SCUBE2: variants seen among roughly 807,000 people sequenced by gnomAD.
SCUBE2 encodes the protein signal peptide, CUB and EGF-like domain-containing protein 2.
SCUBE2 carries 114 observed loss-of-function variants against 125.9 expected under a neutral mutation model. The observed-to-expected ratio is 0.91, with a 90% confidence interval of 0.78 to 1.06. SCUBE2 has a LOEUF of 1.06. Among genes scored for constraint, SCUBE2 ranks in the 50% least tolerant of loss-of-function variants. SCUBE2 has a pLI of 0.00. For synonymous variants in SCUBE2, 459 were observed against 492.9 expected (o/e 0.93, Z 0.91); for missense variants, 1,255 against 1,301.8 (o/e 0.96, Z 0.55).
rs1333738435 is a variant in SCUBE2, at chr11:9,030,894, A to G, written c.2205T>C (p.Asp735=). 4 of 1,613,942 alleles carry G rather than the reference A, an allele frequency of 2.5e-6. No individual in the cohort carries two copies. In the East Asian group the frequency reaches 8.9e-5, roughly 36 times the overall value. The part of the protein sequence containing the change: ...GLCQPGEYSA[D]GFAPCQLCAL... ...CACAGAGCTGGCAAGGTGCAAAGCC[A>G]TCTGCAGAATATTCACCAGGTTGAC... Residue 735 remains aspartate, a synonymous_variant, in exon 18 of 23, where the codon GAT becomes GAC. Coordinates refer to ENST00000649792, the MANE Select transcript of SCUBE2 (RefSeq NM_001367977.2).
chr11:9,061,571 G>GAAAAAAAAAAAA (rs11301303), intron 7 of SCUBE2, among the ~76,000 whole-genome samples: 7 of 101,112 alleles, frequency 6.9e-5, no homozygotes, highest in Admixed American at 1.1e-4. Flanking sequence ...GAAAAGAAAA[G>GAAAAAAAAAAAA]AAAAAAAAAA....
At chr11:9,034,926 C>A (rs539841850) in intron 16 of SCUBE2, among the ~76,000 whole-genome samples, 1 of 152,044 alleles carries the variant, frequency 6.6e-6, no homozygotes, top group Non-Finnish European at 1.5e-5. Flanking sequence ...GCTCTGCAAA[C>A]GCGGAGGTTG....
intron 16 of SCUBE2, among the ~76,000 whole-genome samples, chr11:9,035,949 C>G (rs918520904): frequency 6.6e-6 from 1 of 152,132 alleles, no homozygotes; most frequent in African/African-American, 2.4e-5. Flanking sequence ...AGTGCAATGG[C>G]GCGATCTCAG....
intron 19 of SCUBE2, among the ~76,000 whole-genome samples, chr11:9,028,049 TA>T (rs996998229): frequency 3.3e-5 from 5 of 152,156 alleles, no homozygotes; most frequent in African/African-American, 1.2e-4. Context: ...ATTCATCTTT[TA>T]AAAAAATTAT....
intron 19 of SCUBE2, among the ~76,000 whole-genome samples, chr11:9,029,626 C>G (rs892996486): frequency 6.6e-6 from 1 of 152,212 alleles, no homozygotes; most frequent in African/African-American, 2.4e-5. Flanking sequence ...TAAAATTATG[C>G]CCCAGGGAGG....
At chr11:9,075,852 G>T (rs1861173403) in intron 3 of SCUBE2, among the ~76,000 whole-genome samples, 1 of 152,224 alleles carries the variant, frequency 6.6e-6, no homozygotes, top group Admixed American at 6.5e-5. Context: ...AGGGCTGGGA[G>T]CCTTGTGGGC....
intron 16 of SCUBE2, among the ~76,000 whole-genome samples, chr11:9,040,251 G>T (rs1187426613): frequency 6.7e-6 from 1 of 150,122 alleles, no homozygotes; most frequent in Non-Finnish European, 1.5e-5. Context: ...TATAAATTAG[G>T]CACAGCAAGA....
chr11:9,052,911 C>T, intron 12 of SCUBE2, 79 bp from the exon 13 acceptor site: 1 of 1,196,022 alleles, frequency 8.4e-7, no homozygotes, highest in Non-Finnish European at 1.2e-6. Flanking sequence ...TGTCCCCCCA[C>T]CCCACTCCAC....
chr11:9,067,435 T>TG (rs1360569448), intron 5 of SCUBE2, among the ~76,000 whole-genome samples: 1 of 152,254 alleles, frequency 6.6e-6, no homozygotes, highest in Non-Finnish European at 1.5e-5. Flanking sequence ...TGGTTACCTC[T>TG]GGCAAGGGAA....
Position 9,020,650 on chromosome 11 carries a change from A to G in SCUBE2, c.*395T>C, listed in dbSNP as rs1304886854. 6.5e-6 allele frequency: 1 copy of G among 153,694 alleles called. No homozygotes were observed. The highest frequency in any genetic ancestry group is 2.4e-5 in the African/African-American group (1 of 41,476). The allele number at this position is 153,694 out of a possible 1,614,324, so 9.5% of individuals were successfully genotyped here. On this transcript the variant is annotated 3_prime_UTR_variant, in exon 23 of 23. Coordinates refer to ENST00000649792, the MANE Select transcript of SCUBE2 (RefSeq NM_001367977.2). The stretch of plus-strand genomic sequence containing the variant: ...GCTCCCTTAGAGAGGGCCGGGCTAG[A>G]GGAAGCTGAAGTTTCAGAATAAGCA...
chr11:9,074,895 C>G (rs1324631488), intron 3 of SCUBE2, among the ~76,000 whole-genome samples: 1 of 152,118 alleles, frequency 6.6e-6, no homozygotes, highest in Non-Finnish European at 1.5e-5. Context: ...CTAGAGGAGA[C>G]AGCAAAATAT....
intron 4 of SCUBE2, among the ~76,000 whole-genome samples, chr11:9,072,200 G>GTTTT (rs1564841569): frequency 2.0e-5 from 3 of 151,834 alleles, no homozygotes; most frequent in Admixed American, 6.6e-5. Context: ...GTTTTGTTTT[G>GTTTT]GTTTGTTTTG....
At chr11:9,048,375 GAAGAC>G (rs1858016775) in intron 14 of SCUBE2, among the ~76,000 whole-genome samples, 1 of 152,214 alleles carries the variant, frequency 6.6e-6, no homozygotes, top group Admixed American at 6.5e-5. Context: ...CACATATGTG[GAAGAC>G]AAGAACCAGG....
chr11:9,073,884 C>T (rs986147856), intron 4 of SCUBE2, among the ~76,000 whole-genome samples: 4 of 152,090 alleles, frequency 2.6e-5, no homozygotes, highest in Non-Finnish European at 5.9e-5. Context: ...AAGAGAAGGA[C>T]ATCAGAAGAG....
intron 7 of SCUBE2, among the ~76,000 whole-genome samples, chr11:9,063,657 G>A (rs968334622): frequency 2.6e-5 from 4 of 152,080 alleles, no homozygotes; most frequent in African/African-American, 9.7e-5. Flanking sequence ...TATCTCATTC[G>A]CCGGATAAAC....
At chr11:9,065,713 T>C (rs541057487) in intron 7 of SCUBE2, among the ~76,000 whole-genome samples, 178 bp downstream of exon 7, 1 of 152,186 alleles carries the variant, frequency 6.6e-6, no homozygotes, top group Non-Finnish European at 1.5e-5. Context: ...TCTTGCTTGG[T>C]TGGTGATTAA....
rs1381271027 is a variant in SCUBE2, at chr11:9,091,469, C to T, written c.60G>A (p.Leu20=). The stretch of plus-strand genomic sequence containing the variant: ...CCAGCAGCAGCAGTGGCGGCAGCAG[C>T]AGCAGCAGCAGCAGCACCGCCCAGG... ...GAAWAVLLLL[L]LLPPLLLLAG... The change falls in exon 1 of 23, where the codon CTG becomes CTA. Residue 20 remains leucine (L), a synonymous_variant. Transcript: ENST00000649792. This position sits in a 1 kb window ranked among gnomAD's most constrained non-coding sequence, Gnocchi z 8.5. 5 of 1,269,082 alleles carry T rather than the reference C, an allele frequency of 3.9e-6. No individual in the cohort carries two copies. In the Admixed American group the frequency reaches 9.8e-5, roughly 25 times the overall value. 78.6% of individuals were successfully genotyped at this position (1,269,082 alleles called of 1,614,324 possible). A position where few individuals can be genotyped will look rare whatever the true frequency, so the allele number is the denominator to read the frequency against.
chr11:9,073,013 C>T (rs961347772), intron 4 of SCUBE2, among the ~76,000 whole-genome samples: 5 of 152,108 alleles, frequency 3.3e-5, no homozygotes, highest in African/African-American at 1.2e-4. Context: ...TGGGTGGGAC[C>T]CAGACCGTGA....
rs1051765763 is a variant in SCUBE2, at chr11:9,054,773, T to C, written c.1208-1014A>G. Among the ~76,000 whole-genome samples, 10 of 136,840 alleles carry C rather than the reference T, an allele frequency of 7.3e-5. No homozygotes were observed. In the Admixed American group the frequency reaches 7.5e-4, roughly 10 times the overall value. 89.8% of individuals were successfully genotyped at this position (136,840 alleles called of 152,430 possible). On this transcript the variant is annotated intron_variant, in intron 10 of 22. Transcript: ENST00000649792. ...TTTTTCAGGTGGAGTTTCGCTCTTA[T>C]TGCCCAGGCTGGAGTGCAATGGCAC...
Sources: allele counts gnomAD v4.1 joint callset (sites outside exome capture counted in the v4.1 genomes callset), GRCh38; gene constraint gnomAD v4.1.1; non-coding constraint Gnocchi (gnomAD v3.1); transcripts MANE v1.5; gene names NCBI Gene and HGNC (gene_info 2026-07-23, HGNC 2026-07-21).